Variants in PITPNA observed in about 807,000 individuals in gnomAD.
The protein encoded by PITPNA is phosphatidylinositol transfer protein alpha isoform.
Under a neutral mutation model 50.3 loss-of-function variants are expected in PITPNA, and 13 were observed. The ratio of observed to expected loss-of-function variants is 0.26; its 90% CI spans 0.17 to 0.41. The LOEUF is 0.41. PITPNA is among the 10% of genes least tolerant of loss of function. The probability of loss-of-function intolerance (pLI) is 1.00; values close to 1 mark genes in which losing one functional copy is unlikely to be tolerated. For missense variants in PITPNA, 207 were observed against 333.4 expected (o/e 0.62, Z 2.95); for synonymous variants, 120 against 119.6 (o/e 1.00, Z -0.02).
At chr17:1,561,724 C>A (rs1457520096) in intron 1 of PITPNA, among the ~76,000 whole-genome samples, 1 of 152,120 alleles carries the variant, frequency 6.6e-6, no homozygotes, top group East Asian at 1.9e-4. Context: ...CGCATCTCAG[C>A]CCCCTCTGCA....
chr17:1,521,941 T>C (rs1424218019), intron 10 of PITPNA, among the ~76,000 whole-genome samples: 1 of 150,122 alleles, frequency 6.7e-6, no homozygotes, highest in African/African-American at 2.5e-5. Flanking sequence ...ACCAGGCTGG[T>C]CTTGGGCTCC....
chr17:1,524,191 C>G (rs576756623), intron 10 of PITPNA, among the ~76,000 whole-genome samples: 7 of 151,684 alleles, frequency 4.6e-5, no homozygotes, highest in Non-Finnish European at 1.5e-5. Flanking sequence ...ACTATAGGTG[C>G]CCACCAACAC....
intron 7 of PITPNA, among the ~76,000 whole-genome samples, chr17:1,536,536 A>G (rs901036477): frequency 7.4e-4 from 113 of 151,948 alleles, no homozygotes; most frequent in South Asian, 2.5e-3. Context: ...TGATCCGCCC[A>G]CCTTGGCCTC....
At chr17:1,536,372 CCA>C in intron 7 of PITPNA, among the ~76,000 whole-genome samples, 1 of 150,278 alleles carries the variant, frequency 6.7e-6, no homozygotes, top group Non-Finnish European at 1.5e-5. Flanking sequence ...ACTGCAAGCT[CCA>C]TCTCCCAAGT....
intron 2 of PITPNA, among the ~76,000 whole-genome samples, chr17:1,556,036 A>G (rs1384063200): frequency 6.6e-6 from 1 of 152,176 alleles, no homozygotes; most frequent in Admixed American, 6.5e-5. Flanking sequence ...ATGGCCTCCA[A>G]TTTAGGAAGT....
chr17:1,552,438 T>C (rs1330968353), intron 3 of PITPNA, among the ~76,000 whole-genome samples: 1 of 152,212 alleles, frequency 6.6e-6, no homozygotes, highest in Non-Finnish European at 1.5e-5. Context: ...TAGTTTGATA[T>C]GGATTCCAGT....
intron 3 of PITPNA, 89 bp from the exon 4 acceptor site, chr17:1,548,476 C>A (rs1417465020): frequency 1.1e-5 from 10 of 901,134 alleles, no homozygotes; most frequent in Non-Finnish European, 1.7e-5. Context: ...TCATGGGGAG[C>A]TGACAAGCAA....
rs537877498 is a variant in PITPNA at position 1,562,258 on chromosome 17, G to A, written c.20+283C>T. Among the ~76,000 whole-genome samples the A allele has an allele frequency of 8.5e-3, 1,280 of 149,944 alleles. 5 individuals carry two copies. The highest frequency in any genetic ancestry group is 0.031 in the Middle Eastern group (9 of 288). ...GGGCCCCTCCATGCCCCGGCTGCCC[G>A]TCCATGCCCCGTGGGCCCCGGCTCA... is the stretch of plus-strand genomic sequence containing the variant. On this transcript the variant is annotated intron_variant, in intron 1 of 11. Transcript: ENST00000313486. This position sits in a 1 kb window ranked among gnomAD's most constrained non-coding sequence, Gnocchi z 6.4.
intron 7 of PITPNA, among the ~76,000 whole-genome samples, chr17:1,537,480 T>G (rs1262911929): frequency 6.6e-6 from 1 of 152,174 alleles, no homozygotes; most frequent in African/African-American, 2.4e-5. Context: ...ATTACAGGCG[T>G]GAGCCAATGT....
rs16948764 is a variant in PITPNA at position 1,555,959 on chromosome 17, A to C, written c.51+2570T>G. On this transcript the variant is annotated intron_variant, in intron 2 of 11. Transcript: ENST00000313486. ...ATGCAGGCCATCGGAATGATTACAA[A>C]GGCATGACCTTCTCTTTCCCTTTCT... Among the ~76,000 whole-genome samples, 1,494 of 152,316 alleles carry C rather than the reference A, an allele frequency of 9.8e-3. 28 individuals are homozygous for C. The highest frequency in any genetic ancestry group is 0.034 in the African/African-American group (1,434 of 41,566).
In PITPNA at chr17:1,535,549, GGGAGT is replaced by G. The variant is rs750820104; in HGVS notation, c.457-36_457-32del. The stretch of plus-strand genomic sequence containing the variant: ...AGAAATTGTGGAATTGGGGTTGGAG[GGGAGT>G]GGGAGAGGGAGTGAGAGATGGGGAG... On this transcript the variant is annotated intron_variant, in intron 7 of 11. Coordinates refer to ENST00000313486, the MANE Select transcript of PITPNA (RefSeq NM_006224.4). 7 of 1,414,552 alleles carry G rather than the reference GGGAGT, an allele frequency of 4.9e-6. No individual in the cohort carries two copies. The East Asian group carries it at 1.6e-4, about 32-fold the overall frequency. The allele number at this position is 1,414,552 out of a possible 1,614,324, so 87.6% of individuals were successfully genotyped here.
chr17:1,551,411 C>T (rs1290195678), intron 3 of PITPNA, among the ~76,000 whole-genome samples: 2 of 151,902 alleles, frequency 1.3e-5, no homozygotes, highest in African/African-American at 4.8e-5. Context: ...TCCACCTCAG[C>T]CTCCTGAGTA....
intron 5 of PITPNA, chr17:1,541,891 G>T (rs1457292481): frequency 3.4e-6 from 2 of 584,068 alleles, no homozygotes; most frequent in East Asian, 8.0e-5. Context: ...AAGAGGTTAG[G>T]TGACTTAACC....
chr17:1,550,727 G>T (rs1398487826), intron 3 of PITPNA, among the ~76,000 whole-genome samples: 1 of 152,138 alleles, frequency 6.6e-6, no homozygotes, highest in African/African-American at 2.4e-5. Context: ...ACAGGGTCTT[G>T]CTATGTTGCC....
intron 10 of PITPNA, among the ~76,000 whole-genome samples, chr17:1,524,257 G>A (rs2075533071): frequency 6.7e-6 from 1 of 148,210 alleles, no homozygotes; most frequent in Non-Finnish European, 1.5e-5. Context: ...TGTTAGCCAG[G>A]ATGGTCTCCA....
At chr17:1,525,758 TC>T (rs1344639642) in intron 10 of PITPNA, among the ~76,000 whole-genome samples, 1 of 152,206 alleles carries the variant, frequency 6.6e-6, no homozygotes, top group Non-Finnish European at 1.5e-5. Context: ...CCTCAGGTGA[TC>T]CGCCTGCCTT....
intron 10 of PITPNA, among the ~76,000 whole-genome samples, chr17:1,533,619 C>G (rs1028758487): frequency 6.6e-6 from 1 of 152,036 alleles, no homozygotes; most frequent in Non-Finnish European, 1.5e-5. Flanking sequence ...CACGCCAAGA[C>G]CAAAAAAAGA....
intron 11 of PITPNA, 53 bp from the exon 12 acceptor site, chr17:1,520,591 G>A (rs1277111483): frequency 2.8e-5 from 4 of 144,254 alleles, no homozygotes; most frequent in Non-Finnish European, 6.1e-5. Context: ...CAGAAACACT[G>A]TAAATCGTCC....
chr17:1,528,161 C>A (rs1335354960), intron 10 of PITPNA, among the ~76,000 whole-genome samples: 3 of 152,162 alleles, frequency 2.0e-5, no homozygotes, highest in Non-Finnish European at 4.4e-5. Context: ...CAGTGTGAGA[C>A]CCTGTCTTGT....
Sources: allele counts gnomAD v4.1 joint callset (sites outside exome capture counted in the v4.1 genomes callset), GRCh38; gene constraint gnomAD v4.1.1; non-coding constraint Gnocchi (gnomAD v3.1); transcripts MANE v1.5; gene names NCBI Gene and HGNC (gene_info 2026-07-23, HGNC 2026-07-21).